FKTN: variants seen among roughly 807,000 people sequenced by gnomAD.
FKTN encodes fukutin, also known as ribitol-5-phosphate transferase FKTN.
Under a neutral mutation model 58.6 loss-of-function variants are expected in FKTN, and 47 were observed. That is an observed-to-expected ratio of 0.80 (90% CI 0.63 to 1.02). FKTN has a LOEUF of 1.02. Ranked by LOEUF, FKTN falls within the 50% of genes least tolerant of loss-of-function variation. The pLI is 0.00. For synonymous variants in FKTN, 178 were observed against 191.9 expected (o/e 0.93, Z 0.60); for missense variants, 516 against 537.3 (o/e 0.96, Z 0.39).
intron 7 of FKTN, among the ~76,000 whole-genome samples, chr9:105,613,854 T>G (rs1830356507): frequency 6.6e-6 from 1 of 152,192 alleles, no homozygotes; most frequent in African/African-American, 2.4e-5. Flanking sequence ...ACTTCCTGAA[T>G]AGGAACATTG....
chr9:105,605,144 A>G (rs1001075020), intron 6 of FKTN, among the ~76,000 whole-genome samples: 10 of 152,030 alleles, frequency 6.6e-5, no homozygotes, highest in African/African-American at 2.4e-4. Context: ...TTCCATTCAA[A>G]AGTTTCTTTT....
At chr9:105,586,754 G>A (rs1335823802) in intron 3 of FKTN, among the ~76,000 whole-genome samples, 6 of 152,166 alleles carry the variant, frequency 3.9e-5, no homozygotes, top group Non-Finnish European at 8.8e-5. Flanking sequence ...CTCACTTAGT[G>A]TCTGATACAT....
At chr9:105,587,862 G>A (rs1178686234) in intron 3 of FKTN, among the ~76,000 whole-genome samples, 2 of 152,168 alleles carry the variant, frequency 1.3e-5, no homozygotes, top group African/African-American at 4.8e-5. Context: ...AAGAACTGCA[G>A]TGGCTTGGGA....
chr9:105,561,070 G>A (rs888224970), intron 1 of FKTN, among the ~76,000 whole-genome samples: 1 of 150,788 alleles, frequency 6.6e-6, no homozygotes, highest in Non-Finnish European at 1.5e-5. Flanking sequence ...TGGCAACAGA[G>A]CAAGAATCCG....
In FKTN at chr9:105,603,679, G is replaced by GT. The variant is rs547502085; in HGVS notation, c.370-524dup. The GT allele has an allele frequency of 1.8e-3, 264 of 142,728 alleles. 1 individual carries two copies. The highest frequency in any genetic ancestry group is 5.3e-3 in the South Asian group (24 of 4,520). The allele number at this position is 142,728 out of a possible 1,614,324, so 8.8% of individuals were successfully genotyped here. ...TATTAATTTTCATAGAGTTTTTTTTGTTTTTTTTTTTTGAGACAGGGTCTC... is the reference window on the plus strand; with the variant it reads ...TATTAATTTTCATAGAGTTTTTTTTGTTTTTTTTTTTTTGAGACAGGGTCTC... On this transcript the variant is annotated intron_variant, in intron 5 of 10. Transcript: ENST00000357998.
chr9:105,609,779 C>A (rs919506602), intron 7 of FKTN, among the ~76,000 whole-genome samples: 3 of 152,162 alleles, frequency 2.0e-5, no homozygotes, highest in Non-Finnish European at 4.4e-5. Context: ...CTGGGCACTG[C>A]ATAATTTTGA....
chr9:105,640,872 C>A lies in FKTN; in HGVS notation c.*5608C>A, dbSNP rs1834375908. ...GTTCATATGTTTGTTAAATGAAAATCTTATGTAGCTATTTGTGTGTCCCTC... is the reference window on the plus strand; with the variant it reads ...GTTCATATGTTTGTTAAATGAAAATATTATGTAGCTATTTGTGTGTCCCTC... On this transcript the variant is annotated 3_prime_UTR_variant, in exon 11 of 11. Coordinates refer to ENST00000357998, the MANE Select transcript of FKTN (RefSeq NM_001079802.2). The A allele has an allele frequency of 6.6e-6, 1 of 152,116 alleles. No individual in the cohort carries two copies. Among genetic ancestry groups the A allele is most frequent in the African/African-American group, 2.4e-5 (1 of 41,444 alleles). The allele number at this position is 152,116 out of a possible 1,614,324, so 9.4% of individuals were successfully genotyped here.
intron 10 of FKTN, among the ~76,000 whole-genome samples, chr9:105,623,408 G>A (rs1832290487): frequency 2.0e-5 from 3 of 152,122 alleles, no homozygotes; most frequent in Non-Finnish European, 4.4e-5. Context: ...TATCACTTCA[G>A]AGCCCATGTT....
intron 1 of FKTN, among the ~76,000 whole-genome samples, chr9:105,570,988 G>T (rs929919162): frequency 2.0e-5 from 3 of 152,160 alleles, no homozygotes; most frequent in African/African-American, 4.8e-5. Flanking sequence ...GTGTGAGAAA[G>T]CTTATAGTAA....
At chr9:105,587,037 G>C (rs949730320) in intron 3 of FKTN, among the ~76,000 whole-genome samples, 1 of 152,184 alleles carries the variant, frequency 6.6e-6, no homozygotes, top group African/African-American at 2.4e-5. Flanking sequence ...GATATGAAAT[G>C]AGATGGCTTT....
chr9:105,591,134 G>A (rs1844792034), intron 3 of FKTN, among the ~76,000 whole-genome samples: 2 of 152,228 alleles, frequency 1.3e-5, no homozygotes, highest in South Asian at 4.1e-4. Context: ...ATTACAATTT[G>A]ACATGAGATT....
intron 6 of FKTN, among the ~76,000 whole-genome samples, chr9:105,606,830 C>T (rs538250575): frequency 1.2e-3 from 187 of 151,444 alleles, no homozygotes; most frequent in African/African-American, 3.9e-3. Context: ...TATGAAAAGT[C>T]GGAACTTTTC....
At chr9:105,565,978 A>T (rs1310181657) in intron 1 of FKTN, among the ~76,000 whole-genome samples, 1 of 152,206 alleles carries the variant, frequency 6.6e-6, no homozygotes, top group East Asian at 1.9e-4. Context: ...TCAAACTAGA[A>T]CTCAGGATTA....
At chr9:105,580,948 G>A (rs1410199416) in intron 3 of FKTN, among the ~76,000 whole-genome samples, 5 of 117,120 alleles carry the variant, frequency 4.3e-5, no homozygotes, top group African/African-American at 1.9e-4. Context: ...CTTTCTTCCA[G>A]TTGATCGCAT....
Position 105,639,010 on chromosome 9 carries a change from C to A in FKTN, c.*3746C>A, listed in dbSNP as rs1237458008. On this transcript the variant is annotated 3_prime_UTR_variant, in exon 11 of 11. Coordinates refer to ENST00000357998, the MANE Select transcript of FKTN (RefSeq NM_001079802.2). Reference sequence around the variant, plus strand: ...AAAATCTCACCCAAACTTATGGCTACATATTTTTCTAAGTTTCCCCCCTAG... The same window carrying A: ...AAAATCTCACCCAAACTTATGGCTAAATATTTTTCTAAGTTTCCCCCCTAG... The A allele has an allele frequency of 1.0e-6, 1 of 985,174 alleles. No individual in the cohort carries two copies. Among genetic ancestry groups the A allele is most frequent in the East Asian group, 1.1e-4 (1 of 8,822 alleles). The allele number at this position is 985,174 out of a possible 1,614,324, so 61.0% of individuals were successfully genotyped here. A position where few individuals can be genotyped will look rare whatever the true frequency, so the allele number is the denominator to read the frequency against.
At chr9:105,608,009 A>G in intron 7 of FKTN, 58 bp downstream of exon 7, 1 of 1,466,892 alleles carries the variant, frequency 6.8e-7, no homozygotes, top group Non-Finnish European at 9.5e-7. Context: ...ATTATTTTTA[A>G]TATTTGAGGG....
chr9:105,599,217 C>A (rs1462917594), intron 4 of FKTN, among the ~76,000 whole-genome samples: 1 of 151,986 alleles, frequency 6.6e-6, no homozygotes, highest in Non-Finnish European at 1.5e-5. Context: ...TTGTCAAATG[C>A]TTTTTTCTAT....
intron 10 of FKTN, among the ~76,000 whole-genome samples, chr9:105,624,027 G>T (rs1008616489): frequency 6.6e-6 from 1 of 152,104 alleles, no homozygotes. Flanking sequence ...ACTTTAAGGG[G>T]TTGTTTCCTT....
Position 105,568,822 on chromosome 9 carries a change from A to G in FKTN, c.-180-4833A>G, listed in dbSNP as rs1175839557. ...CCAAAGGATTATAAGTCATGCTGCT[A>G]TAAAGACACATGCACATGTATGTTT... is the stretch of plus-strand genomic sequence containing the variant. On this transcript the variant is annotated intron_variant, in intron 1 of 10. Coordinates refer to ENST00000357998, the MANE Select transcript of FKTN (RefSeq NM_001079802.2). Among the ~76,000 whole-genome samples the G allele has an allele frequency of 5.3e-5, 8 of 152,352 alleles. No individual in the cohort carries two copies. In the South Asian group the frequency reaches 1.4e-3, roughly 28 times the overall value.
Sources: gnomAD v4.1 joint callset for allele counts (sites outside exome capture counted in the v4.1 genomes callset) on GRCh38, gnomAD v4.1.1 for gene constraint, MANE v1.5 for transcripts, NCBI Gene and HGNC (gene_info 2026-07-23, HGNC 2026-07-21) for gene names.